FGD6: variants seen among roughly 807,000 people sequenced by gnomAD.
FGD6 encodes the protein FYVE, RhoGEF and PH domain containing 6.
A neutral mutation model predicts 149.4 loss-of-function variants in FGD6; 90 were observed. That is an observed-to-expected ratio of 0.60 (90% CI 0.51 to 0.72). The LOEUF is 0.72. Ranked by LOEUF, FGD6 falls within the 30% of genes least tolerant of loss-of-function variation. The pLI is 0.00. For synonymous variants in FGD6, 527 were observed against 584.0 expected (o/e 0.90, Z 1.41); for missense variants, 1,437 against 1,684.8 (o/e 0.85, Z 2.57).
At chr12:95,204,171 C>T (rs2056680527) in intron 2 of FGD6, among the ~76,000 whole-genome samples, 1 of 152,180 alleles carries the variant, frequency 6.6e-6, no homozygotes, top group South Asian at 2.1e-4. Context: ...TCTGAGAACC[C>T]GGAGCGGTGA....
At chr12:95,110,996 T>A (rs1878802799) in intron 9 of FGD6, among the ~76,000 whole-genome samples, 1 of 152,062 alleles carries the variant, frequency 6.6e-6, no homozygotes, top group Non-Finnish European at 1.5e-5. Context: ...CACTCTTTTT[T>A]TCCTGAGACA....
chr12:95,136,825 C>T (rs910197769), intron 7 of FGD6, among the ~76,000 whole-genome samples: 5 of 152,124 alleles, frequency 3.3e-5, no homozygotes, highest in Non-Finnish European at 7.3e-5. Context: ...ATGTTTAATG[C>T]CTATAGAGCT....
intron 2 of FGD6, among the ~76,000 whole-genome samples, chr12:95,196,312 C>T (rs1445319823): frequency 2.6e-5 from 4 of 152,130 alleles, no homozygotes; most frequent in South Asian, 2.1e-4. Context: ...GGTCTTGCTA[C>T]GTTGCCCAGG....
chr12:95,149,399 T>C (rs1260765600), intron 5 of FGD6, among the ~76,000 whole-genome samples: 103 of 123,824 alleles, frequency 8.3e-4, no homozygotes, highest in African/African-American at 3.1e-3. Context: ...TAGCATATAT[T>C]ACATAATATA....
intron 2 of FGD6, among the ~76,000 whole-genome samples, chr12:95,193,137 T>C (rs1011366942): frequency 3.3e-5 from 5 of 152,154 alleles, no homozygotes; most frequent in Admixed American, 2.0e-4. Context: ...CAACCCCTAA[T>C]TGCACTTTTG....
At chr12:95,114,493 C>CACGT (rs1555217714) in intron 8 of FGD6, among the ~76,000 whole-genome samples, 5,859 of 142,938 alleles carry the variant, frequency 0.041, 273 homozygotes, top group Non-Finnish European at 0.052. Flanking sequence ...CACACACACA[C>CACGT]GTCAGACGTG....
At chr12:95,176,990 G>C (rs2136285943) in intron 2 of FGD6, among the ~76,000 whole-genome samples, 1 of 152,202 alleles carries the variant, frequency 6.6e-6, no homozygotes, top group Admixed American at 6.5e-5. Context: ...ACCATGCCCA[G>C]CTAATTTTTG....
intron 6 of FGD6, among the ~76,000 whole-genome samples, chr12:95,139,692 GT>G (rs11337034): frequency 0.48 from 72,340 of 149,316 alleles, 17,753 homozygotes; most frequent in Middle Eastern, 0.62. Context: ...GTCTCGCTCT[GT>G]CACCCAGAAT....
At chr12:95,098,206 C>T (rs1878305109) in intron 14 of FGD6, among the ~76,000 whole-genome samples, 1 of 152,180 alleles carries the variant, frequency 6.6e-6, no homozygotes, top group South Asian at 2.1e-4. Flanking sequence ...TGTTCCTCTC[C>T]CAGTGCTCCC....
chr12:95,103,377 C>A (rs1275340878), intron 14 of FGD6, among the ~76,000 whole-genome samples: 1 of 152,208 alleles, frequency 6.6e-6, no homozygotes, highest in Non-Finnish European at 1.5e-5. Context: ...ATACCCACTT[C>A]CGCCACTCAG....
chr12:95,165,058 C>G (rs984086343), intron 3 of FGD6, among the ~76,000 whole-genome samples: 1 of 152,026 alleles, frequency 6.6e-6, no homozygotes, highest in Non-Finnish European at 1.5e-5. Context: ...TTTAAACAAG[C>G]ATTTAAGCCC....
intron 3 of FGD6, 68 bp from the exon 4 acceptor site, chr12:95,153,061 G>C: frequency 7.0e-7 from 1 of 1,419,650 alleles, no homozygotes; most frequent in Non-Finnish European, 9.9e-7. Flanking sequence ...GAGCTAGTCA[G>C]ACACGAATTT....
At chr12:95,158,394 C>T (rs1417399379) in intron 3 of FGD6, among the ~76,000 whole-genome samples, 2 of 150,078 alleles carry the variant, frequency 1.3e-5, no homozygotes, top group East Asian at 3.9e-4. Context: ...CCAGGATGGT[C>T]TCGATCTCCT....
intron 3 of FGD6, among the ~76,000 whole-genome samples, chr12:95,163,391 CCTA>C (rs1310941983): frequency 6.6e-6 from 1 of 152,170 alleles, no homozygotes; most frequent in African/African-American, 2.4e-5. Context: ...TTCTTTCCCT[CCTA>C]CTATCAAAGG....
Position 95,092,829 on chromosome 12 carries a change from T to C in FGD6, c.3617A>G (p.Lys1206Arg), listed in dbSNP as rs574369965. 1 of 1,612,430 alleles carries C rather than the reference T, an allele frequency of 6.2e-7. No individual in the cohort carries two copies. The highest frequency in any genetic ancestry group is 1.3e-5 in the African/African-American group (1 of 74,912). Residue 1206 changes from lysine to arginine, a missense_variant, in exon 16 of 21, where the codon AAA becomes AGA. By Grantham distance (26) the Lys-to-Arg change is conservative (BLOSUM62 2). This residue lies in a region of FGD6 where 382 missense variants were observed against 538.7 expected (regional missense o/e 0.71). Coordinates refer to ENST00000343958, the MANE Select transcript of FGD6 (RefSeq NM_018351.4). The part of the protein sequence containing the change: ...RSLDEADSEN[K>R]EEVSPLGSKA... The stretch of plus-strand genomic sequence containing the variant: ...CGATCCAAGAGGACTAACTTCTTCT[T>C]TATTTTCTGAGTCTGCCTGTGGAAG...
At chr12:95,145,122 G>A (rs779192275) in intron 5 of FGD6, among the ~76,000 whole-genome samples, 3 of 151,036 alleles carry the variant, frequency 2.0e-5, no homozygotes, top group Non-Finnish European at 2.9e-5. Flanking sequence ...TGAGTAGCTG[G>A]GATTATAGGT....
chr12:95,126,499 C>T (rs1276911615), intron 8 of FGD6: 2 of 531,254 alleles, frequency 3.8e-6, no homozygotes, highest in African/African-American at 4.0e-5. Context: ...GAGGCTGAGG[C>T]AGGTGGATCA....
intron 2 of FGD6, among the ~76,000 whole-genome samples, chr12:95,188,112 TTGC>T (rs1307739002): frequency 1.3e-5 from 2 of 152,196 alleles, no homozygotes; most frequent in South Asian, 4.1e-4. Context: ...TGCAATAAAG[TTGC>T]TGATTTCTCT....
intron 5 of FGD6, among the ~76,000 whole-genome samples, chr12:95,146,822 A>C (rs1880029981): frequency 2.0e-5 from 3 of 152,174 alleles, no homozygotes; most frequent in Non-Finnish European, 4.4e-5. Context: ...AATTCTTTTG[A>C]GATATTAACA....
Sources: gnomAD v4.1 joint callset for allele counts (sites outside exome capture counted in the v4.1 genomes callset) on GRCh38, gnomAD v4.1.1 for gene constraint, gnomAD v4.1.1 regional missense constraint, MANE v1.5 for transcripts, NCBI Gene and HGNC (gene_info 2026-07-23, HGNC 2026-07-21) for gene names.